The following NOXRED1 variants were observed in gnomAD, a reference collection of about 807,000 sequenced individuals.
NOXRED1 encodes the protein NADP-dependent oxidoreductase domain-containing protein 1.
In NOXRED1, 20 loss-of-function variants were observed where a neutral mutation model predicts 30.4. The ratio of observed to expected loss-of-function variants is 0.66; its 90% CI spans 0.46 to 0.96. The LOEUF is 0.96. NOXRED1 is among the 40% of genes least tolerant of loss of function. The pLI, the probability that NOXRED1 is intolerant of heterozygous loss-of-function variation, is 0.00. For missense variants in NOXRED1, 374 were observed against 428.0 expected, an observed-to-expected ratio of 0.87 and a Z score of 1.11; for synonymous variants, 155 against 168.0, an observed-to-expected ratio of 0.92 and a Z score of 0.60.
At chr14:77,400,795 A>T (rs1215430084) in intron 5 of NOXRED1, among the ~76,000 whole-genome samples, 1 of 152,246 alleles carries the variant, frequency 6.6e-6, no homozygotes, top group Non-Finnish European at 1.5e-5. Context: ...GCAATGAACA[A>T]GTGGAATTTA....
chr14:77,406,925 GACGACATA>G, intron 3 of NOXRED1, 50 bp from the exon 4 acceptor site: 3 of 1,541,800 alleles, frequency 1.9e-6, no homozygotes, highest in Non-Finnish European at 2.7e-6. Flanking sequence ...TGGAATAAAT[GACGACATA>G]ACCCACTGTG....
chr14:77,409,716 C>A (rs1288536950), intron 2 of NOXRED1, among the ~76,000 whole-genome samples: 1 of 151,806 alleles, frequency 6.6e-6, no homozygotes, highest in Non-Finnish European at 1.5e-5. Flanking sequence ...TAATTTTATT[C>A]TAATAAATAT....
chr14:77,417,859 C>T (rs1894872014), intron 1 of NOXRED1, among the ~76,000 whole-genome samples: 1 of 150,264 alleles, frequency 6.7e-6, no homozygotes. Context: ...TCTTCTTTTC[C>T]TCTCTTGCTG....
At chr14:77,421,500 T>C (rs779268838) in intron 1 of NOXRED1, among the ~76,000 whole-genome samples, 1 of 152,218 alleles carries the variant, frequency 6.6e-6, no homozygotes. Context: ...AGAAACCAGA[T>C]AACTTGGCTT....
chr14:77,410,015 C>G (rs1409372170), intron 2 of NOXRED1, among the ~76,000 whole-genome samples: 2 of 151,992 alleles, frequency 1.3e-5, no homozygotes, highest in Non-Finnish European at 2.9e-5. Context: ...GTTGGCCAGG[C>G]TGGTCTCAAA....
In NOXRED1 at chr14:77,406,885, A is replaced by G; in HGVS notation, c.531-10T>C. 1 of 1,611,256 alleles carries G rather than the reference A, an allele frequency of 6.2e-7. No individual in the cohort carries two copies. Among genetic ancestry groups the G allele is most frequent in the Non-Finnish European group, 8.5e-7 (1 of 1,178,488 alleles). ...CAACAGTAGTTTCAGCCTGGAAGTA[A>G]AGCCAAGACAGGGAGTGCAATGCCA... On this transcript the variant is annotated splice_polypyrimidine_tract_variant and intron_variant, in intron 3 of 5. Transcript: ENST00000380835.
Position 77,407,476 on chromosome 14 carries a change from G to T in NOXRED1, c.519C>A (p.Ile173=), listed in dbSNP as rs1409936372. 1.2e-6 allele frequency: 2 copies of T among 1,613,170 alleles called. No homozygotes were observed. Among genetic ancestry groups the T allele is most frequent in the Non-Finnish European group, 1.7e-6 (2 of 1,179,240 alleles). ...CCCTAACAAGATACCTGGGTAGTGGGATGGCAGCTACAAAGCTGTACACAA... is the reference window on the plus strand; with the variant it reads ...CCCTAACAAGATACCTGGGTAGTGGTATGGCAGCTACAAAGCTGTACACAA... ...ASIVYSFVAA[I]PLPRLKLLLN... is the part of the protein sequence containing the mutation. Residue 173 remains isoleucine, a synonymous_variant, in exon 3 of 6, where the codon ATC becomes ATA. Transcript: ENST00000380835.
rs191914345 is a variant in NOXRED1 at position 77,414,415 on chromosome 14, G to A, written c.156-288C>T. On this transcript the variant is annotated intron_variant, in intron 1 of 5. Coordinates refer to ENST00000380835, the MANE Select transcript of NOXRED1 (RefSeq NM_001113475.3). The stretch of plus-strand genomic sequence containing the variant: ...AGGATGGTCTCCATCTCCTGACCTC[G>A]TGATCCACCCGTGTTGGCCTCCCAA... Among the ~76,000 whole-genome samples, 519 of 152,142 alleles carry A rather than the reference G, an allele frequency of 3.4e-3. 1 individual carries two copies. Among genetic ancestry groups the A allele is most frequent in the African/African-American group, 0.012 (499 of 41,532 alleles).
chr14:77,403,193 GAGA>G lies in NOXRED1; in HGVS notation c.905+2717_905+2719del, dbSNP rs199950966. On this transcript the variant is annotated intron_variant, in intron 5 of 5. Transcript: ENST00000380835. The stretch of plus-strand genomic sequence containing the variant: ...TTTGAAATAGATTTTCTTAAAACTT[GAGA>G]AGAATAAAATTGGGATGAGTAAATT... Among the ~76,000 whole-genome samples the G allele has an allele frequency of 6.8e-3, 1,032 of 152,228 alleles. 9 individuals carry two copies. The highest frequency in any genetic ancestry group is 8.8e-3 in the Admixed American group (135 of 15,292).
chr14:77,395,340 T>C (rs1053052201), intron 5 of NOXRED1, among the ~76,000 whole-genome samples: 2 of 151,960 alleles, frequency 1.3e-5, no homozygotes, highest in Non-Finnish European at 2.9e-5. Context: ...TCTCCTGACC[T>C]TGTGATCTGC....
At chr14:77,404,859 A>G (rs1594871459) in intron 5 of NOXRED1, among the ~76,000 whole-genome samples, 1 of 152,316 alleles carries the variant, frequency 6.6e-6, no homozygotes, top group East Asian at 1.9e-4. Context: ...GGAAGTCACT[A>G]GTAATAAGAG....
chr14:77,395,196 C>G (rs1894150521), intron 5 of NOXRED1, among the ~76,000 whole-genome samples: 1 of 150,376 alleles, frequency 6.6e-6, no homozygotes, highest in Non-Finnish European at 1.5e-5. Context: ...AGCTCTACCT[C>G]CCAGGTTCAT....
chr14:77,412,349 T>G (rs116452283), intron 2 of NOXRED1, among the ~76,000 whole-genome samples: 4,144 of 152,048 alleles, frequency 0.027, 191 homozygotes, highest in African/African-American at 0.095. Context: ...TAGTGTAGGG[T>G]GTCTAGTGGT....
intron 5 of NOXRED1, among the ~76,000 whole-genome samples, chr14:77,400,778 T>C (rs965960850): frequency 2.6e-5 from 4 of 152,212 alleles, no homozygotes; most frequent in African/African-American, 7.2e-5. Flanking sequence ...GTCTTTTCTA[T>C]ATACCAGCAA....
At chr14:77,410,642 A>T (rs761264944) in intron 2 of NOXRED1, among the ~76,000 whole-genome samples, 3 of 152,088 alleles carry the variant, frequency 2.0e-5, no homozygotes, top group Non-Finnish European at 4.4e-5. Context: ...ACATAAATAA[A>T]TACATAAATA....
Position 77,394,325 on chromosome 14 carries a change from A to T in NOXRED1, c.*306T>A, listed in dbSNP as rs1303235731. On this transcript the variant is annotated 3_prime_UTR_variant, in exon 6 of 6. Transcript: ENST00000380835. ...AATTGTCTAAAACTTATAACATTAT[A>T]ACTTCTTTAATTTTAGAAGAGAAAT... is the stretch of plus-strand genomic sequence containing the variant. 1 of 199,230 alleles carries T rather than the reference A, an allele frequency of 5.0e-6. No individual in the cohort carries two copies. The highest frequency in any genetic ancestry group is 1.0e-5 in the Non-Finnish European group (1 of 99,350). The allele number at this position is 199,230 out of a possible 1,614,324, so 12.3% of individuals were successfully genotyped here.
At chr14:77,406,995 C>T (rs530172186) in intron 3 of NOXRED1, 120 bp from the exon 4 acceptor site, 7 of 861,426 alleles carry the variant, frequency 8.1e-6, no homozygotes, top group Non-Finnish European at 1.3e-5. Flanking sequence ...GAGATAAATG[C>T]GGGTCTGGGT....
chr14:77,420,133 G>A (rs752386068), intron 1 of NOXRED1, among the ~76,000 whole-genome samples: 4 of 152,000 alleles, frequency 2.6e-5, no homozygotes, highest in South Asian at 2.1e-4. Flanking sequence ...ATAGTATCCT[G>A]TAAGTCCTCT....
At chr14:77,414,148 C>T in intron 1 of NOXRED1, 21 bp from the exon 2 acceptor site, 1 of 1,438,250 alleles carries the variant, frequency 7.0e-7, no homozygotes, top group Non-Finnish European at 9.6e-7. Context: ...AACACACAGA[C>T]ACGTACATAA....
Sources: allele counts gnomAD v4.1 joint callset (sites outside exome capture counted in the v4.1 genomes callset), GRCh38; gene constraint gnomAD v4.1.1; transcripts MANE v1.5; gene names NCBI Gene and HGNC (gene_info 2026-07-23, HGNC 2026-07-21).